The following TMEM87B variants were observed in gnomAD, a reference collection of about 807,000 sequenced individuals.
The protein encoded by TMEM87B is transmembrane protein 87B.
A neutral mutation model predicts 80.3 loss-of-function variants in TMEM87B; 83 were observed. The ratio of observed to expected loss-of-function variants is 1.03; its 90% CI spans 0.87 to 1.24. The LOEUF is 1.24. TMEM87B is among the 50% of genes most tolerant of loss of function. The pLI is 0.00. For missense variants in TMEM87B, 625 were observed against 674.4 expected (o/e 0.93, Z 0.81); for synonymous variants, 219 against 230.5 (o/e 0.95, Z 0.45).
chr2:112,058,523 G>A (rs1384827644), intron 1 of TMEM87B, among the ~76,000 whole-genome samples: 1 of 150,234 alleles, frequency 6.7e-6, no homozygotes, highest in Non-Finnish European at 1.5e-5. Flanking sequence ...AGTGAGACTG[G>A]AATCCATCTT....
intron 4 of TMEM87B, 42 bp downstream of exon 4, chr2:112,067,109 A>G: frequency 6.3e-7 from 1 of 1,595,764 alleles, no homozygotes; most frequent in Non-Finnish European, 8.5e-7. Flanking sequence ...TTTTATTCCC[A>G]GTGAATACAA....
rs1011235842 is a variant in TMEM87B at position 112,105,560 on chromosome 2, A to G, written c.1451-442A>G. On this transcript the variant is annotated intron_variant, in intron 15 of 18. Transcript: ENST00000283206. The stretch of plus-strand genomic sequence containing the variant: ...CAGAAGAGCCTTGGTCAAATATGAA[A>G]GAAATCTTGATCTTTCCTATCTTCT... Among the ~76,000 whole-genome samples the G allele has an allele frequency of 2.0e-4, 30 of 152,234 alleles. 1 individual carries two copies. The highest frequency in any genetic ancestry group is 1.7e-3 in the Admixed American group (26 of 15,278).
Position 112,105,993 on chromosome 2 carries a change from C to T in TMEM87B, c.1451-9C>T. 2 of 1,551,184 alleles carry T rather than the reference C, an allele frequency of 1.3e-6. No homozygotes were observed. The highest frequency in any genetic ancestry group is 1.7e-6 in the Non-Finnish European group (2 of 1,152,830). On this transcript the variant is annotated splice_polypyrimidine_tract_variant and intron_variant, in intron 15 of 18. Coordinates refer to ENST00000283206, the MANE Select transcript of TMEM87B (RefSeq NM_032824.3). The stretch of plus-strand genomic sequence containing the variant: ...GATTTTATATATATGTTTATAATGT[C>T]TCTCGTAGCCGAAGGAATAAAATTA...
At chr2:112,079,350 T>C (rs1323642470) in intron 6 of TMEM87B, among the ~76,000 whole-genome samples, 1 of 152,226 alleles carries the variant, frequency 6.6e-6, no homozygotes, top group South Asian at 2.1e-4. Context: ...CACATATAAG[T>C]GAAAATGTGC....
chr2:112,100,883 T>C (rs1364091091), intron 15 of TMEM87B, among the ~76,000 whole-genome samples, 188 bp downstream of exon 15: 2 of 152,180 alleles, frequency 1.3e-5, no homozygotes, highest in Non-Finnish European at 2.9e-5. Context: ...TCAAGACTAT[T>C]GTAGTTTGAG....
rs151258411 is a variant in TMEM87B at position 112,082,286 on chromosome 2, C to T, written c.838+768C>T. Among the ~76,000 whole-genome samples, 984 of 152,280 alleles carry T rather than the reference C, an allele frequency of 6.5e-3. 7 individuals are homozygous for T. The highest frequency in any genetic ancestry group is 0.041 in the Middle Eastern group (12 of 294). On this transcript the variant is annotated intron_variant, in intron 8 of 18. Coordinates refer to ENST00000283206, the MANE Select transcript of TMEM87B (RefSeq NM_032824.3). ...TCTGTTATTGATTGATTGACAAGGT[C>T]TTGATCTGTTGCCCGGTCTAGAGTG...
chr2:112,109,288 G>T (rs892188283), intron 17 of TMEM87B, among the ~76,000 whole-genome samples: 26 of 152,140 alleles, frequency 1.7e-4, no homozygotes, highest in African/African-American at 6.0e-4. Flanking sequence ...TATTTCCCAT[G>T]TATTTACTTT....
Position 112,076,842 on chromosome 2 carries a change from T to TTGTGTGTGTG in TMEM87B, c.502-312_502-303dup, listed in dbSNP as rs70962982. On this transcript the variant is annotated intron_variant, in intron 5 of 18. Coordinates refer to ENST00000283206, the MANE Select transcript of TMEM87B (RefSeq NM_032824.3). ...CACTACCTGCCATTCCTTTTCTGTTTTGTGTGTGTGTGTGTGTGTGTGTGT... is the reference window on the plus strand; with the variant it reads ...CACTACCTGCCATTCCTTTTCTGTTTTGTGTGTGTGTGTGTGTGTGTGTGTGTGTGTGTGT... Among the ~76,000 whole-genome samples the TTGTGTGTGTG allele has an allele frequency of 1.7e-3, 238 of 139,256 alleles. 1 individual carries two copies. The highest frequency in any genetic ancestry group is 3.6e-3 in the South Asian group (15 of 4,220). The allele number at this position is 139,256 out of a possible 152,430, so 91.4% of individuals were successfully genotyped here.
chr2:112,095,340 A>G (rs2104492216), intron 11 of TMEM87B: 1 of 984,044 alleles, frequency 1.0e-6, no homozygotes, highest in East Asian at 1.1e-4. Flanking sequence ...TCACTTCAGG[A>G]TCAGAAGGGC....
Position 112,106,007 on chromosome 2 carries a change from G to A in TMEM87B, c.1456G>A (p.Gly486Arg). 6.4e-7 allele frequency: 1 copy of A among 1,564,868 alleles called. No individual in the cohort carries two copies. Among genetic ancestry groups the A allele is most frequent in the South Asian group, 1.2e-5 (1 of 82,206 alleles). ...FMVTSENLTE[G>R]IKLRASKSVS... ...GTTTATAATGTCTCTCGTAGCCGAA[G>A]GAATAAAATTAAGAGCCTCAAAATC... The change falls in exon 16 of 19, where the codon GGA becomes AGA. Residue 486 changes from glycine to arginine, a missense_variant. By Grantham distance (125) the Gly-to-Arg change is moderately radical. Coordinates refer to ENST00000283206, the MANE Select transcript of TMEM87B (RefSeq NM_032824.3).
intron 5 of TMEM87B, among the ~76,000 whole-genome samples, chr2:112,076,837 C>T (rs1280612909): frequency 7.3e-6 from 1 of 137,376 alleles, no homozygotes; most frequent in East Asian, 2.0e-4. Flanking sequence ...CATTCCTTTT[C>T]TGTTTTGTGT....
At position 112,055,298 on chromosome 2, in the gene TMEM87B, C is replaced by T. The variant is rs558612507; in HGVS notation, c.-294C>T. The T allele has an allele frequency of 3.3e-5, 15 of 457,224 alleles. No homozygotes were observed. The East Asian group carries it at 5.9e-4, about 18-fold the overall frequency. 28.3% of individuals were successfully genotyped at this position (457,224 alleles called of 1,614,324 possible). ...TCACGCCCACGCTAGGCCCTGAGCC[C>T]AGCCTCCACGTCTCGCCGCCAACTC... On this transcript the variant is annotated 5_prime_UTR_variant, in exon 1 of 19. Transcript: ENST00000283206.
intron 9 of TMEM87B, among the ~76,000 whole-genome samples, chr2:112,087,678 A>C (rs576162357): frequency 6.6e-6 from 1 of 151,240 alleles, no homozygotes; most frequent in African/African-American, 2.4e-5. Context: ...GCATCTCGTT[A>C]TTTCTACCAT....
chr2:112,096,588 A>G (rs1034295834), intron 11 of TMEM87B, among the ~76,000 whole-genome samples: 2 of 152,244 alleles, frequency 1.3e-5, no homozygotes, highest in Non-Finnish European at 2.9e-5. Flanking sequence ...TTGGTAGATG[A>G]CCTAACCTCT....
chr2:112,067,026 T>C lies in TMEM87B; in HGVS notation c.409T>C (p.Leu137=). The change falls in exon 4 of 19, where the codon TTA becomes CTA. Residue 137 remains leucine, a synonymous_variant. Transcript: ENST00000283206. The part of the protein sequence containing the change: ...DNCWTTKNEN[L]DCNSDSQVFP... Reference sequence around the variant, plus strand: ...CTGTTGGACAACAAAAAATGAAAACTTAGATTGCAACAGTGATTCACAGGT... The same window carrying C: ...CTGTTGGACAACAAAAAATGAAAACCTAGATTGCAACAGTGATTCACAGGT... The C allele has an allele frequency of 6.2e-7, 1 of 1,611,770 alleles. No homozygotes were observed. The highest frequency in any genetic ancestry group is 1.1e-5 in the South Asian group (1 of 90,214).
chr2:112,077,378 C>T, intron 6 of TMEM87B, 96 bp downstream of exon 6: 1 of 527,674 alleles, frequency 1.9e-6, no homozygotes, highest in Non-Finnish European at 3.3e-6. Flanking sequence ...TCAAATACAT[C>T]ATTCAAAAAT....
At chr2:112,067,617 C>T (rs1341926910) in intron 4 of TMEM87B, among the ~76,000 whole-genome samples, 1 of 152,136 alleles carries the variant, frequency 6.6e-6, no homozygotes, top group Non-Finnish European at 1.5e-5. Context: ...AGATAAGATA[C>T]TGATACCATT....
chr2:112,080,268 T>C (rs1678952728), intron 6 of TMEM87B, among the ~76,000 whole-genome samples: 1 of 149,162 alleles, frequency 6.7e-6, no homozygotes. Context: ...TTTATCTTTT[T>C]TTATTTTTTG....
chr2:112,082,540 A>G (rs923505153), intron 8 of TMEM87B, among the ~76,000 whole-genome samples: 1 of 152,174 alleles, frequency 6.6e-6, no homozygotes, highest in African/African-American at 2.4e-5. Flanking sequence ...TCTTTTTGGG[A>G]GTATTTGAAA....
Sources: gnomAD v4.1 joint callset for allele counts (sites outside exome capture counted in the v4.1 genomes callset) on GRCh38, gnomAD v4.1.1 for gene constraint, MANE v1.5 for transcripts, NCBI Gene and HGNC (gene_info 2026-07-23, HGNC 2026-07-21) for gene names.